Variants in SMG5 observed in about 807,000 individuals in gnomAD.
SMG5 encodes nonsense-mediated mRNA decay factor SMG5.
SMG5 carries 53 observed loss-of-function variants against 122.9 expected under a neutral mutation model. The observed-to-expected ratio is 0.43, with a 90% CI of 0.35 to 0.54. SMG5 has a LOEUF of 0.54. Ranked by LOEUF, SMG5 falls within the 20% of genes least tolerant of loss-of-function variation. The probability of loss-of-function intolerance (pLI) is 0.01; values close to 1 mark genes in which losing one functional copy is unlikely to be tolerated. For synonymous variants in SMG5, 477 were observed against 490.2 expected (o/e 0.97, Z 0.35); for missense variants, 1,153 against 1,285.6 (o/e 0.90, Z 1.58).
At chr1:156,281,716 T>C (rs1022620949) in intron 1 of SMG5, among the ~76,000 whole-genome samples, 7 of 152,208 alleles carry the variant, frequency 4.6e-5, no homozygotes, top group South Asian at 2.1e-4. Flanking sequence ...TACTCTGTAG[T>C]AGAAGGCACA....
intron 1 of SMG5, among the ~76,000 whole-genome samples, chr1:156,281,077 G>A (rs766817305): frequency 2.6e-5 from 4 of 152,082 alleles, no homozygotes; most frequent in Admixed American, 2.0e-4. Flanking sequence ...CATTTATCTT[G>A]AGCAGAGAAA....
At chr1:156,276,712 T>C (rs1199743489) in intron 4 of SMG5, among the ~76,000 whole-genome samples, 1 of 152,246 alleles carries the variant, frequency 6.6e-6, no homozygotes, top group Admixed American at 6.5e-5. Context: ...TTTCCCAACA[T>C]ATCTAAAGAT....
chr1:156,262,813 C>T (rs1167666721), intron 13 of SMG5, among the ~76,000 whole-genome samples: 1 of 151,882 alleles, frequency 6.6e-6, no homozygotes, highest in Non-Finnish European at 1.5e-5. Flanking sequence ...CACAGCAGGG[C>T]AGGTATGCCC....
At chr1:156,279,807 A>G (rs978611905) in intron 1 of SMG5, among the ~76,000 whole-genome samples, 5 of 152,196 alleles carry the variant, frequency 3.3e-5, no homozygotes, top group African/African-American at 9.7e-5. Context: ...CAAGATTCTG[A>G]TAAGCCTAGA....
chr1:156,262,816 G>A (rs1661915403), intron 13 of SMG5, among the ~76,000 whole-genome samples: 1 of 151,714 alleles, frequency 6.6e-6, no homozygotes, highest in Non-Finnish European at 1.5e-5. Context: ...AGCAGGGCAG[G>A]TATGCCCCTA....
At chr1:156,258,515 A>C (rs999602613) in intron 16 of SMG5, among the ~76,000 whole-genome samples, 3 of 152,220 alleles carry the variant, frequency 2.0e-5, no homozygotes, top group Non-Finnish European at 4.4e-5. Flanking sequence ...AGCCCCTTTC[A>C]GGCCAGGCGT....
At chr1:156,285,171 C>G (rs1466135969), upstream of SMG5, 1 of 1,508,038 alleles carries the variant, frequency 6.6e-7, no homozygotes, top group African/African-American at 1.4e-5. Flanking sequence ...GAGCTTTCCT[C>G]TGTTCCCTGC....
At chr1:156,285,055 T>C (rs1330297155), upstream of SMG5, 3 of 629,800 alleles carry the variant, frequency 4.8e-6, no homozygotes, top group South Asian at 4.2e-5. Flanking sequence ...TGTACCACGT[T>C]CTCCCTAAGG....
intron 3 of SMG5, among the ~76,000 whole-genome samples, chr1:156,277,463 C>G (rs1314565568): frequency 6.6e-6 from 1 of 151,996 alleles, no homozygotes; most frequent in East Asian, 1.9e-4. Context: ...CTTCCTCCTT[C>G]CCTAATCCTA....
At chr1:156,255,323 G>A (rs898295365) in intron 16 of SMG5, among the ~76,000 whole-genome samples, 2 of 148,946 alleles carry the variant, frequency 1.3e-5, no homozygotes, top group Non-Finnish European at 1.5e-5. Flanking sequence ...GGTAGATCAC[G>A]AGGTCAGGAG....
chr1:156,265,220 CT>C (rs1005943308), intron 12 of SMG5, among the ~76,000 whole-genome samples: 1 of 122,846 alleles, frequency 8.1e-6, no homozygotes, highest in African/African-American at 2.7e-5. Flanking sequence ...AAGACCCTGT[CT>C]TTAAAAAAAA....
chr1:156,271,512 C>T (rs1417474324), intron 7 of SMG5, among the ~76,000 whole-genome samples: 1 of 147,326 alleles, frequency 6.8e-6, no homozygotes, highest in African/African-American at 2.5e-5. Flanking sequence ...GTTACAGCGA[C>T]TTGTATGGCG....
chr1:156,260,373 C>T, intron 15 of SMG5, 78 bp downstream of exon 15: 1 of 1,511,224 alleles, frequency 6.6e-7, no homozygotes, highest in Non-Finnish European at 8.9e-7. Flanking sequence ...CCTGCCCCCT[C>T]CCTCCCCAGA....
intron 19 of SMG5, 73 bp from the exon 20 acceptor site, chr1:156,251,550 G>C: frequency 6.7e-7 from 1 of 1,499,122 alleles, no homozygotes; most frequent in Admixed American, 1.7e-5. Context: ...GCAGTCTGTT[G>C]TGGCTCTGGG....
At chr1:156,251,186 G>T in intron 20 of SMG5, 190 bp from the exon 21 acceptor site, 1 of 906,292 alleles carries the variant, frequency 1.1e-6, no homozygotes, top group Non-Finnish European at 1.7e-6. Context: ...CCAAGCCTGA[G>T]CATCGCAAGG....
At chr1:156,290,229 C>T in the SMG5 span, 1 of 152,268 alleles carries the variant, frequency 6.6e-6, no homozygotes, top group Non-Finnish European at 1.5e-5. Context: ...ACTTTTTGCT[C>T]ATATATGCAC....
chr1:156,253,329 GC>G, intron 17 of SMG5, 119 bp downstream of exon 17: 1 of 1,088,128 alleles, frequency 9.2e-7, no homozygotes, highest in Non-Finnish European at 1.4e-6. Flanking sequence ...TCTGGGAGAG[GC>G]GGAGGGACAC....
upstream of SMG5, among the ~76,000 whole-genome samples, chr1:156,284,957 C>A (rs187557273): frequency 2.4e-3 from 360 of 152,280 alleles, 2 homozygotes; most frequent in African/African-American, 8.0e-3. Flanking sequence ...CTCACCCTCT[C>A]CTGTTGGACG....
upstream of SMG5, chr1:156,285,613 C>T (rs768946292): frequency 4.3e-5 from 70 of 1,614,102 alleles, no homozygotes; most frequent in Non-Finnish European, 4.7e-5. Flanking sequence ...CCCGTGCCTT[C>T]GTGCCTATTG....
Sources: allele counts gnomAD v4.1 joint callset (sites outside exome capture counted in the v4.1 genomes callset), GRCh38; gene constraint gnomAD v4.1.1; transcripts MANE v1.5; gene names NCBI Gene and HGNC (gene_info 2026-07-23, HGNC 2026-07-21).